Variants in WWOX observed in about 807,000 individuals in gnomAD.
WWOX encodes the protein WW domain-containing oxidoreductase.
In WWOX, 69 loss-of-function variants were observed where a neutral mutation model predicts 46.2. The ratio of observed to expected loss-of-function variants is 1.49; its 90% CI spans 1.23 to 1.82. The LOEUF is 1.82. WWOX is among the 40% of genes most tolerant of loss of function. WWOX has a pLI of 0.00. For synonymous variants in WWOX, 359 were observed against 202.6 expected, an observed-to-expected ratio of 1.77 and a Z score of -6.56; for missense variants, 919 against 542.6, an observed-to-expected ratio of 1.69 and a Z score of -6.89.
intron 6 of WWOX, among the ~76,000 whole-genome samples, chr16:78,421,709 T>C (rs1185884641): frequency 6.6e-6 from 1 of 152,172 alleles, no homozygotes; most frequent in Non-Finnish European, 1.5e-5. Context: ...GGAAGCATTT[T>C]ATATAGAATG....
intron 5 of WWOX, among the ~76,000 whole-genome samples, chr16:78,375,409 T>C (rs1163448418): frequency 5.9e-5 from 9 of 152,250 alleles, no homozygotes; most frequent in Middle Eastern, 3.2e-3. Context: ...TAATGGCTTT[T>C]CCCCATATTT....
At chr16:78,437,931 G>C (rs2083368404) in intron 8 of WWOX, among the ~76,000 whole-genome samples, 1 of 152,004 alleles carries the variant, frequency 6.6e-6, no homozygotes, top group Non-Finnish European at 1.5e-5. Context: ...CTTTCGAGTT[G>C]GTGAAAAAAT....
chr16:78,447,491 A>G (rs2083588892), intron 8 of WWOX, among the ~76,000 whole-genome samples: 1 of 152,208 alleles, frequency 6.6e-6, no homozygotes. Flanking sequence ...CAGGGATGGA[A>G]TTGAATCTGT....
At chr16:78,223,561 A>C (rs1410899535) in intron 5 of WWOX, among the ~76,000 whole-genome samples, 2 of 152,164 alleles carry the variant, frequency 1.3e-5, no homozygotes, top group Non-Finnish European at 2.9e-5. Flanking sequence ...GGTGGAAGGC[A>C]GGGGCTGCTG....
intron 8 of WWOX, among the ~76,000 whole-genome samples, chr16:78,736,451 G>C (rs1001083703): frequency 3.3e-5 from 5 of 152,182 alleles, no homozygotes; most frequent in African/African-American, 1.2e-4. Context: ...TCTTCCCAAA[G>C]TCACCTTTGC....
chr16:78,410,006 T>G (rs2082640107), intron 6 of WWOX, among the ~76,000 whole-genome samples: 1 of 152,124 alleles, frequency 6.6e-6, no homozygotes, highest in African/African-American at 2.4e-5. Context: ...GTGTTGGCGG[T>G]GGGTGTGCTG....
chr16:78,402,153 G>A (rs1410947476), intron 6 of WWOX, among the ~76,000 whole-genome samples: 1 of 152,114 alleles, frequency 6.6e-6, no homozygotes, highest in Admixed American at 6.5e-5. Flanking sequence ...ACTTCCTCCA[G>A]TCCCAAGGCA....
intron 8 of WWOX, among the ~76,000 whole-genome samples, chr16:78,603,345 G>C (rs867661323): frequency 3.9e-5 from 6 of 152,142 alleles, no homozygotes; most frequent in Admixed American, 1.3e-4. Context: ...ATCTCATTCT[G>C]AGTATCAGGG....
At position 79,070,870 on chromosome 16, in the gene WWOX, C is replaced by CTA. The variant is rs960965271; in HGVS notation, c.1057-140734_1057-140733dup. Among the ~76,000 whole-genome samples, 64 of 152,264 alleles carry CTA rather than the reference C, an allele frequency of 4.2e-4. 1 individual carries two copies. Among genetic ancestry groups the CTA allele is most frequent in the African/African-American group, 1.5e-3 (62 of 41,552 alleles). On this transcript the variant is annotated intron_variant, in intron 8 of 8. Coordinates refer to ENST00000566780, the MANE Select transcript of WWOX (RefSeq NM_016373.4). ...TGGAAGAGAAATGTGGGTGTGTTGA[C>CTA]TATATTCTCCACAGAAACTTTTTGA...
At chr16:78,467,909 C>CG (rs1567590437) in intron 8 of WWOX, among the ~76,000 whole-genome samples, 40 of 152,318 alleles carry the variant, frequency 2.6e-4, no homozygotes, top group African/African-American at 7.5e-4. Flanking sequence ...ACTGATCAGC[C>CG]TGGCTTCTTT....
At chr16:78,814,578 T>G (rs886569198) in intron 8 of WWOX, among the ~76,000 whole-genome samples, 17 of 152,180 alleles carry the variant, frequency 1.1e-4, no homozygotes, top group Non-Finnish European at 1.6e-4. Context: ...CTGTGTACTT[T>G]TCCAACCTAT....
At chr16:78,806,299 A>G (rs2051036045) in intron 8 of WWOX, among the ~76,000 whole-genome samples, 1 of 152,176 alleles carries the variant, frequency 6.6e-6, no homozygotes, top group Non-Finnish European at 1.5e-5. Flanking sequence ...GCATTTCCCT[A>G]TTCTTTAGAG....
chr16:78,729,997 A>G (rs964145327), intron 8 of WWOX, among the ~76,000 whole-genome samples: 3 of 152,164 alleles, frequency 2.0e-5, no homozygotes, highest in Non-Finnish European at 2.9e-5. Flanking sequence ...ACCTTGCAAC[A>G]TCATCCTTGT....
chr16:78,238,070 C>G (rs1233968092), intron 5 of WWOX: 1 of 152,246 alleles, frequency 6.6e-6, no homozygotes, highest in African/African-American at 2.4e-5. Flanking sequence ...CAACCCTCAA[C>G]TCACTTCCAC....
intron 8 of WWOX, among the ~76,000 whole-genome samples, chr16:78,841,476 C>G (rs187329836): frequency 4.5e-4 from 68 of 152,248 alleles, no homozygotes; most frequent in African/African-American, 1.6e-3. Flanking sequence ...ATATTTACAC[C>G]ATGGAAAGTG....
At chr16:78,140,398 G>A (rs2033945655) in intron 4 of WWOX, among the ~76,000 whole-genome samples, 1 of 152,128 alleles carries the variant, frequency 6.6e-6, no homozygotes, top group African/African-American at 2.4e-5. Flanking sequence ...CTGTAGCAAA[G>A]TACCATAAAC....
chr16:78,528,127 T>G (rs1476686079), intron 8 of WWOX, among the ~76,000 whole-genome samples: 1 of 144,948 alleles, frequency 6.9e-6, no homozygotes, highest in East Asian at 2.0e-4. Flanking sequence ...GCCTCCCGAG[T>G]AGCTGGGACT....
At chr16:78,990,039 C>T (rs1331795188) in intron 8 of WWOX, among the ~76,000 whole-genome samples, 1 of 151,806 alleles carries the variant, frequency 6.6e-6, no homozygotes, top group Non-Finnish European at 1.5e-5. Flanking sequence ...CAAAAATTAG[C>T]TGGGCTTGGT....
intron 8 of WWOX, among the ~76,000 whole-genome samples, chr16:78,838,636 G>A (rs181325982): frequency 2.0e-4 from 30 of 152,286 alleles, no homozygotes; most frequent in Middle Eastern, 3.4e-3. Context: ...GAGGTCCGGA[G>A]TTCCAGACCA....
Sources: allele counts gnomAD v4.1 joint callset (sites outside exome capture counted in the v4.1 genomes callset), GRCh38; gene constraint gnomAD v4.1.1; transcripts MANE v1.5; gene names NCBI Gene and HGNC (gene_info 2026-07-23, HGNC 2026-07-21).